KRABD2: variants seen among roughly 807,000 people sequenced by gnomAD.
KRABD2 encodes KRAB domain-containing protein 2.
chr17:8,376,567 G>A, the KRABD2 span: 1 of 987,072 alleles, frequency 1.0e-6, no homozygotes. Context: ...CCACCCGCCA[G>A]CTCAGGGCTG....
the KRABD2 span, among the ~76,000 whole-genome samples, chr17:8,375,125 C>G: frequency 1.3e-5 from 2 of 151,656 alleles, no homozygotes; most frequent in African/African-American, 2.4e-5. Context: ...CATTCTCCTG[C>G]CTCAGCCTCC....
chr17:8,371,385 C>T, the KRABD2 span: 1 of 1,614,148 alleles, frequency 6.2e-7, no homozygotes, highest in Non-Finnish European at 8.5e-7. Context: ...CTAAATAATT[C>T]CAATCTTTGG....
the KRABD2 span, among the ~76,000 whole-genome samples, chr17:8,363,787 C>CATACAT: frequency 7.5e-6 from 1 of 133,702 alleles, no homozygotes; most frequent in African/African-American, 2.8e-5. Flanking sequence ...ATATGTCATA[C>CATACAT]ATATATATCA....
At chr17:8,370,772 T>C in the KRABD2 span, among the ~76,000 whole-genome samples, 1 of 152,306 alleles carries the variant, frequency 6.6e-6, no homozygotes, top group South Asian at 2.1e-4. Flanking sequence ...TTTAAAATAA[T>C]ATAAATGGGA....
chr17:8,374,937 CAAAAAAAAAAAAAAA>C, the KRABD2 span, among the ~76,000 whole-genome samples: 1 of 46,176 alleles, frequency 2.2e-5, no homozygotes, highest in Admixed American at 3.5e-4. Flanking sequence ...GACTCTGTCA[CAAAAAAAAAAAAAAA>C]AAAAAAAAAA....
chr17:8,373,154 CGTCTCCGTCTCCGTCTCCGTCTCCACG>C, the KRABD2 span, among the ~76,000 whole-genome samples: 91 of 30,134 alleles, frequency 3.0e-3, no homozygotes, highest in African/African-American at 7.7e-3. Context: ...TCCCTCTCTC[CGTCTCCGTCTCCGTCTCCGTCTCCACG>C]GTCTCCCTCT....
At chr17:8,366,876 C>T in the KRABD2 span, among the ~76,000 whole-genome samples, 1 of 152,064 alleles carries the variant, frequency 6.6e-6, no homozygotes, top group Non-Finnish European at 1.5e-5. Flanking sequence ...TGCATGCCAC[C>T]GTGCCCGGCT....
the KRABD2 span, chr17:8,369,476 G>T: frequency 1.2e-6 from 2 of 1,613,984 alleles, no homozygotes; most frequent in South Asian, 2.2e-5. Context: ...GACATGAGTG[G>T]TTACTCTGCA....
At chr17:8,374,628 T>TAAAAAAAAAAAAA in the KRABD2 span, among the ~76,000 whole-genome samples, 2 of 71,432 alleles carry the variant, frequency 2.8e-5, no homozygotes, top group African/African-American at 1.1e-4. Context: ...CAATAAATAC[T>TAAAAAAAAAAAAA]AAAAAAAAAA....
chr17:8,371,787 G>C, the KRABD2 span: 4 of 1,195,870 alleles, frequency 3.3e-6, no homozygotes, highest in Non-Finnish European at 4.2e-6. Context: ...GGCAGGATCT[G>C]TTTCCAATGG....
chr17:8,371,361 C>A, the KRABD2 span: 1 of 1,614,180 alleles, frequency 6.2e-7, no homozygotes, highest in Non-Finnish European at 8.5e-7. Flanking sequence ...TGTAGCAATC[C>A]TTTTGAGAGC....
chr17:8,366,128 C>CA, the KRABD2 span, among the ~76,000 whole-genome samples: 94,555 of 149,356 alleles, frequency 0.63, 30,085 homozygotes, highest in Admixed American at 0.69. Flanking sequence ...GACTCCATCT[C>CA]AAAAAAAAAA....
At chr17:8,375,772 A>G in the KRABD2 span, 1 of 542,286 alleles carries the variant, frequency 1.8e-6, no homozygotes, top group Non-Finnish European at 2.6e-6. Flanking sequence ...TTCCAAAGCA[A>G]CATGAAAGAA....
At chr17:8,374,958 A>AAG in the KRABD2 span, among the ~76,000 whole-genome samples, 3 of 149,824 alleles carry the variant, frequency 2.0e-5, no homozygotes, top group Non-Finnish European at 4.5e-5. Context: ...AAAAAAAAAA[A>AAG]AAAAAATTCA....
the KRABD2 span, chr17:8,376,386 G>A: frequency 8.6e-7 from 1 of 1,168,544 alleles, no homozygotes; most frequent in East Asian, 3.8e-5. Flanking sequence ...CGATTGCTAT[G>A]AAGATTCAAT....
the KRABD2 span, chr17:8,369,720 C>G: frequency 6.2e-7 from 1 of 1,614,216 alleles, no homozygotes; most frequent in Non-Finnish European, 8.5e-7. Context: ...CTGTTTGGTT[C>G]TTAATGGCCG....
At chr17:8,363,978 C>T in the KRABD2 span, among the ~76,000 whole-genome samples, 1 of 150,896 alleles carries the variant, frequency 6.6e-6, no homozygotes, top group South Asian at 2.1e-4. Flanking sequence ...AAGTGATTCT[C>T]CTGCCTCAGC....
chr17:8,361,002 T>C, the KRABD2 span, among the ~76,000 whole-genome samples: 1 of 152,166 alleles, frequency 6.6e-6, no homozygotes, highest in Non-Finnish European at 1.5e-5. Flanking sequence ...TCAGTGCTAA[T>C]GACATTCCAA....
At chr17:8,369,583 C>T in the KRABD2 span, 4 of 1,614,206 alleles carry the variant, frequency 2.5e-6, no homozygotes, top group Non-Finnish European at 3.4e-6. Flanking sequence ...ATCTTTAGGT[C>T]TGGCCACAAC....
Sources: gnomAD v4.1 joint callset for allele counts (sites outside exome capture counted in the v4.1 genomes callset) on GRCh38, gnomAD v4.1.1 for gene constraint, MANE v1.5 for transcripts, NCBI Gene and HGNC (gene_info 2026-07-23, HGNC 2026-07-21) for gene names.